Variants in GOLGA1 observed in about 807,000 individuals in gnomAD.
GOLGA1 encodes the protein golgin A1.
GOLGA1 carries 63 observed loss-of-function variants against 119.7 expected under a neutral mutation model. That is an observed-to-expected ratio of 0.53 (90% confidence interval 0.43 to 0.65). The LOEUF is 0.65. Among genes scored for constraint, GOLGA1 ranks in the 30% least tolerant of loss-of-function variants. The pLI is 0.00. For synonymous variants in GOLGA1, 318 were observed against 333.4 expected, an observed-to-expected ratio of 0.95 and a Z score of 0.50; for missense variants, 798 against 912.8, an observed-to-expected ratio of 0.87 and a Z score of 1.62.
At position 124,908,437 on chromosome 9, in the gene GOLGA1, T is replaced by G; in HGVS notation, c.1005A>C (p.Arg335Ser). Reference protein sequence around the residue: ...TLAEQNLEDTRQQLLAARSSQ... With the variant: ...TLAEQNLEDTSQQLLAARSSQ... ...TGCTTCTGGCTGCCAAGAGCTGTTG[T>G]CTGGTATCCTCCAAATTCTGCTCAG... The change falls in exon 12 of 23, where the codon AGA (arginine) becomes AGC (serine). Residue 335 changes from arginine to serine, a missense_variant. Arg to Ser is a moderately radical substitution (Grantham distance 110). Coordinates refer to ENST00000373555, the MANE Select transcript of GOLGA1 (RefSeq NM_002077.4). The G allele has an allele frequency of 6.2e-7, 1 of 1,610,266 alleles. No homozygotes were observed. The highest frequency in any genetic ancestry group is 8.5e-7 in the Non-Finnish European group (1 of 1,176,404).
chr9:124,909,558 G>A (rs1275593197), intron 11 of GOLGA1, among the ~76,000 whole-genome samples: 1 of 146,024 alleles, frequency 6.8e-6, no homozygotes. Flanking sequence ...GCAGTGAGCC[G>A]AGATCACGCC....
At chr9:124,939,096 G>C (rs900038529) in intron 2 of GOLGA1, among the ~76,000 whole-genome samples, 1 of 151,828 alleles carries the variant, frequency 6.6e-6, no homozygotes, top group African/African-American at 2.4e-5. Context: ...TGGCTAAGTG[G>C]AAGGGCTGGT....
chr9:124,944,035 C>G (rs1203867767), upstream of GOLGA1: 1 of 152,180 alleles, frequency 6.6e-6, no homozygotes, highest in African/African-American at 2.4e-5. Context: ...TTCCTATTAT[C>G]TAAGATGTTT....
intron 10 of GOLGA1, among the ~76,000 whole-genome samples, chr9:124,918,304 T>C (rs1467970954): frequency 6.6e-6 from 1 of 152,252 alleles, no homozygotes; most frequent in African/African-American, 2.4e-5. Context: ...TGTATCTATT[T>C]TGCTCACCAT....
At chr9:124,931,504 TTTAA>T in intron 3 of GOLGA1, 98 bp from the exon 4 acceptor site, 1 of 706,006 alleles carries the variant, frequency 1.4e-6, no homozygotes. Context: ...TTGGTTACAC[TTTAA>T]TTAATTGTAA....
At chr9:124,899,535 C>T (rs1830055215) in intron 13 of GOLGA1, 57 bp from the exon 14 acceptor site, 7 of 1,486,170 alleles carry the variant, frequency 4.7e-6, no homozygotes, top group African/African-American at 1.4e-5. Flanking sequence ...AGTGGGGGAT[C>T]TTAGTCTGGC....
rs762675477 is a variant in GOLGA1 at position 124,880,503 on chromosome 9, C to T, written c.*27G>A. ...TTTTCACAGAAAAAGTGTCAACCCA[C>T]GGAGCTCCATCCTTGGGTAGTCCCC... is the stretch of plus-strand genomic sequence containing the variant. On this transcript the variant is annotated 3_prime_UTR_variant, in exon 23 of 23. Transcript: ENST00000373555. The T allele has an allele frequency of 5.3e-6, 7 of 1,315,694 alleles. No individual in the cohort carries two copies. Among genetic ancestry groups the T allele is most frequent in the African/African-American group, 2.9e-5 (2 of 69,378 alleles). 81.5% of individuals were successfully genotyped at this position (1,315,694 alleles called of 1,614,324 possible).
intron 22 of GOLGA1, 49 bp from the exon 23 acceptor site, chr9:124,880,659 G>T: frequency 8.2e-7 from 1 of 1,216,814 alleles, no homozygotes. Context: ...AGGACTTGGT[G>T]CCAGGGAAAC....
At chr9:124,934,826 C>T (rs1029440252) in intron 3 of GOLGA1, among the ~76,000 whole-genome samples, 1 of 152,082 alleles carries the variant, frequency 6.6e-6, no homozygotes, top group African/African-American at 2.4e-5. Flanking sequence ...GTGGGCAGAT[C>T]GTTTGAGCCC....
At chr9:124,900,619 C>T (rs1261221952) in intron 12 of GOLGA1, 72 bp from the exon 13 acceptor site, 4 of 687,122 alleles carry the variant, frequency 5.8e-6, no homozygotes, top group Non-Finnish European at 1.0e-5. Flanking sequence ...CTTTAAAATG[C>T]AAAGCGATTT....
chr9:124,915,301 G>C (rs1465770471), intron 10 of GOLGA1, among the ~76,000 whole-genome samples: 1 of 152,158 alleles, frequency 6.6e-6, no homozygotes, highest in Non-Finnish European at 1.5e-5. Context: ...TCTAACCAAA[G>C]GGTAGTTGTG....
At chr9:124,940,693 G>A (rs1830993285) in intron 1 of GOLGA1, among the ~76,000 whole-genome samples, 1 of 152,154 alleles carries the variant, frequency 6.6e-6, no homozygotes, top group African/African-American at 2.4e-5. Context: ...AAGAAAGGAA[G>A]GATCCAACAT....
intron 19 of GOLGA1, among the ~76,000 whole-genome samples, chr9:124,882,879 C>A (rs1256050512): frequency 1.3e-5 from 2 of 152,156 alleles, no homozygotes; most frequent in African/African-American, 4.8e-5. Context: ...CCACACACAG[C>A]CCAGCTGGAA....
chr9:124,942,820 A>T (rs1831079819), upstream of GOLGA1: 1 of 152,336 alleles, frequency 6.6e-6, no homozygotes, highest in Middle Eastern at 3.4e-3. Context: ...ACAACGTTTC[A>T]GTTTTCATCC....
At chr9:124,910,765 T>C (rs1445966048) in intron 11 of GOLGA1, among the ~76,000 whole-genome samples, 2 of 152,160 alleles carry the variant, frequency 1.3e-5, no homozygotes, top group African/African-American at 2.4e-5. Flanking sequence ...TAGATTTTCA[T>C]AGGAGCATGA....
At position 124,889,263 on chromosome 9, in the gene GOLGA1, G is replaced by A. The variant is rs199534446; in HGVS notation, c.1641C>T (p.Ala547=). 108 of 1,613,848 alleles carry A rather than the reference G, an allele frequency of 6.7e-5. No individual in the cohort carries two copies. The highest frequency in any genetic ancestry group is 3.0e-4 in the Admixed American group (18 of 60,010). Residue 547 remains alanine (A), a synonymous_variant, in exon 18 of 23, where the codon GCC becomes GCT. Coordinates refer to ENST00000373555, the MANE Select transcript of GOLGA1 (RefSeq NM_002077.4). ...SALLQIHQLQ[A]ELEALRTLKA... ...TGAGGGTCCTCAGGGCCTCCAGCTC[G>A]GCCTGCAGCTGGTGTATCTGCAGCA...
intron 15 of GOLGA1, among the ~76,000 whole-genome samples, chr9:124,896,342 G>A (rs914023359): frequency 6.6e-6 from 1 of 152,238 alleles, no homozygotes; most frequent in African/African-American, 2.4e-5. Context: ...GAACCCAGGA[G>A]GTTGAGGTAA....
At position 124,888,350 on chromosome 9, in the gene GOLGA1, G is replaced by A. The variant is rs1564322238; in HGVS notation, c.1808C>T (p.Ala603Val). The A allele has an allele frequency of 1.2e-6, 2 of 1,613,588 alleles. No homozygotes were observed. Among genetic ancestry groups the A allele is most frequent in the Middle Eastern group, 1.6e-4 (1 of 6,062 alleles). ...AACCTCACCATTTGGTGTTCTTCCT[G>A]CAGTTGGAAGCTGGAACACAGGGTC... ...MQDPVFQLPT[A>V]GRTPNGEVGA... Residue 603 changes from alanine (A) to valine (V), a missense_variant, in exon 19 of 23, where the codon GCA becomes GTA. By Grantham distance (64) the Ala-to-Val change is moderately conservative. Transcript: ENST00000373555. The surrounding 1 kb of genome is among the most constrained non-coding windows in gnomAD (Gnocchi z 4.4).
At chr9:124,927,458 AAC>A (rs1830696198) in intron 6 of GOLGA1, among the ~76,000 whole-genome samples, 1 of 152,194 alleles carries the variant, frequency 6.6e-6, no homozygotes, top group African/African-American at 2.4e-5. Context: ...CTAGATGATG[AAC>A]AGACACTTTA....
Sources: gnomAD v4.1 joint callset for allele counts (sites outside exome capture counted in the v4.1 genomes callset) on GRCh38, gnomAD v4.1.1 for gene constraint, Gnocchi (gnomAD v3.1) non-coding constraint, MANE v1.5 for transcripts, NCBI Gene and HGNC (gene_info 2026-07-23, HGNC 2026-07-21) for gene names.